The following RBFOX2 variants were observed in gnomAD, a reference collection of about 807,000 sequenced individuals.
RBFOX2 encodes the protein RNA binding fox-1 homolog 2, also known as RNA binding protein fox-1 homolog 2.
Under a neutral mutation model 49.1 loss-of-function variants are expected in RBFOX2, and 10 were observed. The observed-to-expected ratio is 0.20, with a 90% confidence interval of 0.13 to 0.35. The LOEUF (loss-of-function observed/expected upper bound fraction) is 0.35, where lower values mean the gene tolerates loss of function less well. RBFOX2 is among the 10% of genes least tolerant of loss of function. RBFOX2 has a pLI of 1.00. For synonymous variants in RBFOX2, 183 were observed against 187.4 expected (o/e 0.98, Z 0.19); for missense variants, 323 against 486.9 (o/e 0.66, Z 3.17).
exon 12 of RBFOX2, chr22:35,742,351 T>C (rs548963787): frequency 2.0e-5 from 3 of 152,738 alleles, no homozygotes; most frequent in South Asian, 4.1e-4. Flanking sequence ...ATATGTATTC[T>C]ACACAACAGG....
intron 1 of RBFOX2, among the ~76,000 whole-genome samples, chr22:35,865,526 C>G (rs2043575468): frequency 6.6e-6 from 1 of 152,086 alleles, no homozygotes; most frequent in South Asian, 2.1e-4. Flanking sequence ...AACTAAGTTT[C>G]TTTCTTCACC....
At chr22:35,781,824 C>T (rs1004585275) in intron 2 of RBFOX2, 78 bp from the exon 4 acceptor site, 3 of 1,575,702 alleles carry the variant, frequency 1.9e-6, no homozygotes, top group Non-Finnish European at 2.6e-6. Flanking sequence ...CAGCAATCAT[C>T]CCCAAACAGG....
intron 1 of RBFOX2, among the ~76,000 whole-genome samples, chr22:35,839,347 T>C (rs762672537): frequency 3.7e-4 from 56 of 151,380 alleles, no homozygotes; most frequent in Non-Finnish European, 5.0e-4. Context: ...AAAATGCAGA[T>C]TAGATATTGC....
At chr22:35,956,681 C>T (rs867433728) in intron 1 of RBFOX2, among the ~76,000 whole-genome samples, 5 of 151,990 alleles carry the variant, frequency 3.3e-5, no homozygotes, top group African/African-American at 9.7e-5. Flanking sequence ...TTTAATAAAA[C>T]GTCCGAATAC....
intron 1 of RBFOX2, among the ~76,000 whole-genome samples, chr22:35,825,888 AGGAGAATCACTTGAACCCGGGAGGT>A (rs1362431266): frequency 6.6e-6 from 1 of 150,408 alleles, no homozygotes; most frequent in African/African-American, 2.5e-5. Flanking sequence ...AGGTTGAGGC[AGGAGAATCACTTGAACCCGGGAGGT>A]GGAGGTTGCA....
At chr22:35,852,185 G>GTC (rs2042018114) in intron 1 of RBFOX2, among the ~76,000 whole-genome samples, 1 of 152,042 alleles carries the variant, frequency 6.6e-6, no homozygotes, top group Non-Finnish European at 1.5e-5. Context: ...ATAATTTAAA[G>GTC]TCTACAAGAG....
At chr22:35,804,337 A>T (rs1033033447) in intron 2 of RBFOX2, among the ~76,000 whole-genome samples, 3 of 152,180 alleles carry the variant, frequency 2.0e-5, no homozygotes, top group African/African-American at 7.2e-5. Context: ...AGGAAAAAAA[A>T]ATTTGAAGAA....
chr22:35,783,713 G>A (rs1259222836), intron 2 of RBFOX2, among the ~76,000 whole-genome samples: 2 of 152,132 alleles, frequency 1.3e-5, no homozygotes, highest in African/African-American at 4.8e-5. Context: ...AGAAAGCCAG[G>A]GCCCCCAGAC....
intron 1 of RBFOX2, among the ~76,000 whole-genome samples, chr22:35,990,003 G>A (rs183070948): frequency 1.3e-5 from 2 of 152,224 alleles, no homozygotes; most frequent in Admixed American, 1.3e-4. Context: ...CCAACATGGT[G>A]AAACCCCAAC....
chr22:35,896,860 G>A (rs2047908731), intron 1 of RBFOX2, among the ~76,000 whole-genome samples: 1 of 152,116 alleles, frequency 6.6e-6, no homozygotes, highest in African/African-American at 2.4e-5. Context: ...CTGAAACTGA[G>A]ATAGCCTGTT....
At chr22:35,984,041 C>A (rs542040535) in intron 1 of RBFOX2, among the ~76,000 whole-genome samples, 4 of 152,084 alleles carry the variant, frequency 2.6e-5, no homozygotes, top group Admixed American at 2.6e-4. Context: ...CTTCAATTAC[C>A]TAATCTTCTT....
intron 1 of RBFOX2, among the ~76,000 whole-genome samples, chr22:35,885,020 A>T (rs1294530255): frequency 6.6e-6 from 1 of 152,188 alleles, no homozygotes; most frequent in Non-Finnish European, 1.5e-5. Flanking sequence ...TCCAGTTTGA[A>T]TATTATCTGC....
At chr22:35,952,466 G>C (rs1158281963) in intron 1 of RBFOX2, among the ~76,000 whole-genome samples, 3 of 152,142 alleles carry the variant, frequency 2.0e-5, no homozygotes, top group African/African-American at 7.2e-5. Context: ...TGCCCTCAAG[G>C]AACTTTAGTC....
At chr22:35,978,073 C>G (rs2057284843) in intron 1 of RBFOX2, among the ~76,000 whole-genome samples, 1 of 151,948 alleles carries the variant, frequency 6.6e-6, no homozygotes, top group Non-Finnish European at 1.5e-5. Flanking sequence ...GAGTAGGGTA[C>G]AGAGGTGGTG....
At chr22:35,824,698 C>A (rs969813982) in intron 1 of RBFOX2, among the ~76,000 whole-genome samples, 2 of 152,124 alleles carry the variant, frequency 1.3e-5, no homozygotes, top group African/African-American at 4.8e-5. Flanking sequence ...ACAAAAGAAC[C>A]AAAAACAAGC....
At chr22:35,965,248 T>G (rs1477773083), upstream of RBFOX2, among the ~76,000 whole-genome samples, 3 of 152,134 alleles carry the variant, frequency 2.0e-5, no homozygotes, top group Non-Finnish European at 4.4e-5. Context: ...CATAACAAAC[T>G]TGAACTTTGA....
chr22:35,759,920 C>T lies in RBFOX2; in HGVS notation c.855G>A (p.Ala285=), dbSNP rs192785410. Residue 285 remains alanine, a synonymous_variant, in exon 9 of 12, where the codon GCG becomes GCA. Transcript: ENST00000405409. This position sits in a 1 kb window ranked among gnomAD's most constrained non-coding sequence, Gnocchi z 4.6. The stretch of plus-strand genomic sequence containing the variant: ...AGGCGGGGATGGCTGTTGGAGGTAC[C>T]GCTCGGACTGCACCATATACTGTCC... 111 of 1,613,580 alleles carry T rather than the reference C, an allele frequency of 6.9e-5. No homozygotes were observed. The highest frequency in any genetic ancestry group is 1.6e-4 in the South Asian group (15 of 91,048).
At chr22:35,771,114 T>G (rs1324032246) in intron 4 of RBFOX2, among the ~76,000 whole-genome samples, 1 of 152,200 alleles carries the variant, frequency 6.6e-6, no homozygotes, top group Non-Finnish European at 1.5e-5. Flanking sequence ...GTCCACATCC[T>G]AATCCCCAGA....
At chr22:35,881,834 C>T (rs2045945745) in intron 1 of RBFOX2, among the ~76,000 whole-genome samples, 1 of 151,390 alleles carries the variant, frequency 6.6e-6, no homozygotes, top group Non-Finnish European at 1.5e-5. Context: ...TGGCATGGAC[C>T]TGTAGTCCCA....
Sources: gnomAD v4.1 joint callset for allele counts (sites outside exome capture counted in the v4.1 genomes callset) on GRCh38, gnomAD v4.1.1 for gene constraint, Gnocchi (gnomAD v3.1) non-coding constraint, MANE v1.5 for transcripts, NCBI Gene and HGNC (gene_info 2026-07-23, HGNC 2026-07-21) for gene names.